CRIM1: variants seen among roughly 807,000 people sequenced by gnomAD.
CRIM1 encodes the protein cysteine-rich motor neuron 1 protein.
A neutral mutation model predicts 116.4 loss-of-function variants in CRIM1; 32 were observed. That is an observed-to-expected ratio of 0.27 (90% CI 0.21 to 0.37). CRIM1 has a LOEUF of 0.37. Ranked by LOEUF, CRIM1 falls within the 10% of genes least tolerant of loss-of-function variation. The pLI, the probability that CRIM1 is intolerant of heterozygous loss-of-function variation, is 1.00. For missense variants in CRIM1, 1,331 were observed against 1,354.8 expected (o/e 0.98, Z 0.28); for synonymous variants, 590 against 509.2 (o/e 1.16, Z -2.13).
At chr2:36,412,366 C>G (rs1673280521) in intron 2 of CRIM1, among the ~76,000 whole-genome samples, 1 of 152,092 alleles carries the variant, frequency 6.6e-6, no homozygotes, top group Non-Finnish European at 1.5e-5. Context: ...TGCGTTTAAC[C>G]CATTCTTGCC....
chr2:36,524,275 C>G (rs1190449853), intron 13 of CRIM1, among the ~76,000 whole-genome samples: 1 of 152,124 alleles, frequency 6.6e-6, no homozygotes, highest in Non-Finnish European at 1.5e-5. Context: ...AGGCATATAT[C>G]CAATTTAGTG....
chr2:36,402,148 A>C (rs1672455171), intron 2 of CRIM1, among the ~76,000 whole-genome samples: 1 of 152,208 alleles, frequency 6.6e-6, no homozygotes, highest in Non-Finnish European at 1.5e-5. Context: ...ACAGGCAGTA[A>C]ATACATAAAT....
chr2:36,539,669 G>A (rs1221866224), intron 14 of CRIM1, among the ~76,000 whole-genome samples: 2 of 152,162 alleles, frequency 1.3e-5, no homozygotes, highest in African/African-American at 4.8e-5. Flanking sequence ...CCGTGGAGGT[G>A]GGGAGAAGTG....
chr2:36,407,237 A>G (rs72787253), intron 2 of CRIM1, among the ~76,000 whole-genome samples: 2,364 of 152,280 alleles, frequency 0.016, 28 homozygotes, highest in Admixed American at 0.025. Context: ...AAGCACACAC[A>G]CATATACATA....
At chr2:36,512,109 G>A (rs1436533464) in intron 9 of CRIM1, among the ~76,000 whole-genome samples, 164 bp from the exon 10 acceptor site, 1 of 152,226 alleles carries the variant, frequency 6.6e-6, no homozygotes, top group African/African-American at 2.4e-5. Flanking sequence ...TGGTGGTAAT[G>A]GCCACAGGGA....
At chr2:36,398,164 C>T (rs1260602048) in intron 2 of CRIM1, among the ~76,000 whole-genome samples, 1 of 152,158 alleles carries the variant, frequency 6.6e-6, no homozygotes, top group South Asian at 2.1e-4. Context: ...TTTAAACTTA[C>T]TCATATAAAG....
At chr2:36,537,725 G>A (rs989736265) in intron 14 of CRIM1, among the ~76,000 whole-genome samples, 179 bp downstream of exon 14, 5 of 152,196 alleles carry the variant, frequency 3.3e-5, no homozygotes, top group Non-Finnish European at 5.9e-5. Flanking sequence ...TGACCATCCC[G>A]ATGAGGGGCA....
chr2:36,508,941 GTTACTTAAACCTTAATA>G (rs1249909503), intron 8 of CRIM1, among the ~76,000 whole-genome samples: 1 of 152,022 alleles, frequency 6.6e-6, no homozygotes, highest in Non-Finnish European at 1.5e-5. Context: ...TCAAATAGTG[GTTACTTAAACCTTAATA>G]TGAGTATTTT....
intron 14 of CRIM1, among the ~76,000 whole-genome samples, chr2:36,541,109 G>A (rs1666913008): frequency 6.6e-6 from 1 of 152,116 alleles, no homozygotes. Context: ...CTGCCAGGAA[G>A]GCTGTATTCC....
At chr2:36,366,790 G>C (rs1396768181) in intron 1 of CRIM1, among the ~76,000 whole-genome samples, 1 of 152,226 alleles carries the variant, frequency 6.6e-6, no homozygotes, top group Non-Finnish European at 1.5e-5. Flanking sequence ...GGCATCTTTT[G>C]TTGGAGAATT....
At position 36,366,547 on chromosome 2, in the gene CRIM1, A is replaced by G. The variant is rs374983643; in HGVS notation, c.331+9924A>G. 1.1e-4 allele frequency among the ~76,000 whole-genome samples: 17 copies of G among 152,310 alleles called. 1 individual carries two copies. In the East Asian group the frequency reaches 1.5e-3, roughly 14 times the overall value. On this transcript the variant is annotated intron_variant, in intron 1 of 16. Coordinates refer to ENST00000280527, the MANE Select transcript of CRIM1 (RefSeq NM_016441.3). ...TTGCCTATGGAAAGATTAAAAAAAA[A>G]AGGAGAGGGAGTAGATGGTGGTCCA...
At position 36,509,912 on chromosome 2, in the gene CRIM1, C is replaced by T. The variant is rs1572895982; in HGVS notation, c.1502-71C>T. 3.8e-5 allele frequency: 52 copies of T among 1,374,502 alleles called. No individual in the cohort carries two copies. In the South Asian group the frequency reaches 5.9e-4, roughly 16 times the overall value. 85.1% of individuals were successfully genotyped at this position (1,374,502 alleles called of 1,614,324 possible). On this transcript the variant is annotated intron_variant, in intron 8 of 16. Transcript: ENST00000280527. ...GTGGAAGAGTGGAGGATTCAGGGAC[C>T]GTATTTCAGCATCGAAGTGTTCTGC...
chr2:36,371,260 C>G (rs1440504865), intron 1 of CRIM1, among the ~76,000 whole-genome samples: 2 of 152,060 alleles, frequency 1.3e-5, no homozygotes, highest in Non-Finnish European at 2.9e-5. Flanking sequence ...ATCCCCCATC[C>G]CCCATCCCCC....
chr2:36,466,314 A>T (rs1394708644), intron 5 of CRIM1, among the ~76,000 whole-genome samples: 1 of 152,096 alleles, frequency 6.6e-6, no homozygotes, highest in Non-Finnish European at 1.5e-5. Context: ...GCATACAGGA[A>T]AGGGGAACAG....
chr2:36,437,595 A>T (rs1047094957), intron 2 of CRIM1, among the ~76,000 whole-genome samples: 4 of 152,248 alleles, frequency 2.6e-5, no homozygotes, highest in Admixed American at 1.3e-4. Flanking sequence ...AGCCAGTGTG[A>T]TTGATCATCT....
intron 4 of CRIM1, among the ~76,000 whole-genome samples, chr2:36,459,928 G>A (rs1677447457): frequency 6.6e-6 from 1 of 152,196 alleles, no homozygotes; most frequent in Admixed American, 6.5e-5. Flanking sequence ...GGGATTGTCT[G>A]TGAAGTCCAG....
At chr2:36,415,403 T>C (rs1462003424) in intron 2 of CRIM1, among the ~76,000 whole-genome samples, 1 of 152,168 alleles carries the variant, frequency 6.6e-6, no homozygotes, top group Non-Finnish European at 1.5e-5. Flanking sequence ...CCTTGGTAGC[T>C]CTTGGTTACA....
chr2:36,396,409 C>A (rs1672031551), intron 1 of CRIM1, among the ~76,000 whole-genome samples: 2 of 152,200 alleles, frequency 1.3e-5, no homozygotes, highest in Admixed American at 6.5e-5. Context: ...TTAATGCCTA[C>A]ATGGATGGCT....
In CRIM1 at chr2:36,506,981, TC is replaced by T. The variant is rs373441455; in HGVS notation, c.1502-2999del. Reference sequence around the variant, plus strand: ...TTCAAGTAATCCTCTTGCCTCAGCCTCCCAAGTAGCTGGGATTACATTCACT... The same window carrying T: ...TTCAAGTAATCCTCTTGCCTCAGCCTCCAAGTAGCTGGGATTACATTCACT... On this transcript the variant is annotated intron_variant, in intron 8 of 16. Transcript: ENST00000280527. Among the ~76,000 whole-genome samples the T allele has an allele frequency of 6.2e-3, 942 of 152,208 alleles. 8 individuals are homozygous for T. Among genetic ancestry groups the T allele is most frequent in the African/African-American group, 0.019 (804 of 41,512 alleles).
Sources: allele counts gnomAD v4.1 joint callset (sites outside exome capture counted in the v4.1 genomes callset), GRCh38; gene constraint gnomAD v4.1.1; transcripts MANE v1.5; gene names NCBI Gene and HGNC (gene_info 2026-07-23, HGNC 2026-07-21).